VANGL2: variants seen among roughly 807,000 people sequenced by gnomAD.
The protein encoded by VANGL2 is vang-like protein 2.
VANGL2 carries 14 observed loss-of-function variants against 50.2 expected under a neutral mutation model. That is an observed-to-expected ratio of 0.28 (90% CI 0.18 to 0.44). The LOEUF is 0.44. VANGL2 is among the 20% of genes least tolerant of loss of function. The probability of loss-of-function intolerance (pLI) is 1.00; values close to 1 mark genes in which losing one functional copy is unlikely to be tolerated. For missense variants in VANGL2, 533 were observed against 701.5 expected (o/e 0.76, Z 2.71); for synonymous variants, 295 against 297.2 (o/e 0.99, Z 0.08).
At position 160,427,044 on chromosome 1, in the gene VANGL2, G is replaced by A. The variant is rs1428115255; in HGVS notation, c.*1666G>A. On this transcript the variant is annotated 3_prime_UTR_variant, in exon 8 of 8. Coordinates refer to ENST00000368061, the MANE Select transcript of VANGL2 (RefSeq NM_020335.3). Reference sequence around the variant, plus strand: ...TGTTTACCCACCGCATGCTAGAGAGGAGCTCATTGGCCAATGCTTACCTTG... The same window carrying A: ...TGTTTACCCACCGCATGCTAGAGAGAAGCTCATTGGCCAATGCTTACCTTG... 2 of 152,814 alleles carry A rather than the reference G, an allele frequency of 1.3e-5. No homozygotes were observed. The highest frequency in any genetic ancestry group is 2.1e-4 in the South Asian group (1 of 4,830). 9.5% of individuals were successfully genotyped at this position (152,814 alleles called of 1,614,324 possible).
rs1357227311 is a variant in VANGL2 at position 160,425,799 on chromosome 1, G to A, written c.*421G>A. The A allele has an allele frequency of 6.0e-6, 1 of 166,226 alleles. No individual in the cohort carries two copies. The highest frequency in any genetic ancestry group is 2.4e-5 in the African/African-American group (1 of 41,644). 10.3% of individuals were successfully genotyped at this position (166,226 alleles called of 1,614,324 possible). ...CATTTCTCTTCAGTGGCCCAACAGG[G>A]TTTCTCTGGGGCACATGGACATGAC... On this transcript the variant is annotated 3_prime_UTR_variant, in exon 8 of 8. Transcript: ENST00000368061.
intron 1 of VANGL2, among the ~76,000 whole-genome samples, chr1:160,410,035 A>G (rs892512018): frequency 6.6e-6 from 1 of 152,002 alleles, no homozygotes; most frequent in African/African-American, 2.4e-5. Flanking sequence ...GGAGACCTTT[A>G]GTGGGCAGGG....
intron 1 of VANGL2, among the ~76,000 whole-genome samples, chr1:160,405,629 A>G (rs1309469357): frequency 1.8e-5 from 1 of 55,754 alleles, no homozygotes; most frequent in African/African-American, 7.0e-5. Context: ...GGGCAGGGAG[A>G]GGGGAGAGTG....
In VANGL2 at chr1:160,421,056, C is replaced by T; in HGVS notation, c.942C>T (p.Asn314=). The T allele has an allele frequency of 6.2e-7, 1 of 1,614,182 alleles. No homozygotes were observed. The highest frequency in any genetic ancestry group is 8.5e-7 in the Non-Finnish European group (1 of 1,180,046). The change falls in exon 6 of 8, where the codon AAC becomes AAT. Residue 314 remains asparagine (N), a synonymous_variant. Transcript: ENST00000368061. The stretch of plus-strand genomic sequence containing the variant: ...CTCTATCCTGTTCCTGTGCAGAAAA[C>T]AGCACCAACAACTCCACTGGCCAGT... The part of the protein sequence containing the change: ...GFKVYSLGEE[N]STNNSTGQSR...
In VANGL2 at chr1:160,419,233, G is replaced by A. The variant is rs1057118359; in HGVS notation, c.424G>A (p.Gly142Arg). Residue 142 changes from glycine to arginine, a missense_variant, in exon 4 of 8, where the codon GGG becomes AGG. Transcript: ENST00000368061. This position sits in a 1 kb window ranked among gnomAD's most constrained non-coding sequence, Gnocchi z 5.8. ...GTGGCGGGAGGAGCTGGAGCCTTGC[G>A]GGACGGCCTGCGAGGGCCTCTTCAT... Reference protein sequence around the residue: ...LLWREELEPCGTACEGLFISV... With the variant: ...LLWREELEPCRTACEGLFISV... The A allele has an allele frequency of 3.7e-6, 6 of 1,609,602 alleles. No individual in the cohort carries two copies. In the African/African-American group the frequency reaches 4.0e-5, roughly 11 times the overall value.
chr1:160,409,474 G>A (rs1310485632), intron 1 of VANGL2, among the ~76,000 whole-genome samples: 2 of 152,128 alleles, frequency 1.3e-5, no homozygotes, highest in African/African-American at 4.8e-5. Flanking sequence ...AAAGGGGAAG[G>A]GGTGTCAGGG....
At chr1:160,406,017 G>A (rs1401151302) in intron 1 of VANGL2, among the ~76,000 whole-genome samples, 1 of 152,158 alleles carries the variant, frequency 6.6e-6, no homozygotes, top group East Asian at 1.9e-4. Flanking sequence ...AGAAAAGGTG[G>A]GAACTAACAT....
rs1651403814 is a variant in VANGL2, at chr1:160,425,101, C to T, written c.1306-17C>T. The T allele has an allele frequency of 1.2e-6, 2 of 1,613,846 alleles. No individual in the cohort carries two copies. The highest frequency in any genetic ancestry group is 1.7e-6 in the Non-Finnish European group (2 of 1,179,918). On this transcript the variant is annotated splice_polypyrimidine_tract_variant and intron_variant, in intron 7 of 7. Transcript: ENST00000368061. ...AGATGACAGAGATTCTTATGCAGCCCCTTCTTTCCACTTCAGGCCTTCTTG... is the reference window on the plus strand; with the variant it reads ...AGATGACAGAGATTCTTATGCAGCCTCTTCTTTCCACTTCAGGCCTTCTTG...
At chr1:160,401,209 G>A (rs943939662) in intron 1 of VANGL2, among the ~76,000 whole-genome samples, 2 of 152,182 alleles carry the variant, frequency 1.3e-5, no homozygotes, top group Non-Finnish European at 1.5e-5. Flanking sequence ...AGCCGGAGAC[G>A]GGGAGCTTGT....
Position 160,400,741 on chromosome 1 carries a change from A to C in VANGL2, c.-319A>C, listed in dbSNP as rs2101938656. 6.7e-6 allele frequency: 1 copy of C among 149,372 alleles called. No individual in the cohort carries two copies. Among genetic ancestry groups the C allele is most frequent in the Non-Finnish European group, 1.5e-5 (1 of 66,942 alleles). The allele number at this position is 149,372 out of a possible 1,614,324, so 9.3% of individuals were successfully genotyped here. On this transcript the variant is annotated 5_prime_UTR_variant, in exon 1 of 8. Transcript: ENST00000368061. ...GACCAGACTCAAGAACCCCCCCCTC[A>C]ACATCCCCCATCGCGCGCGCTGCCT...
Sources: allele counts gnomAD v4.1 joint callset (sites outside exome capture counted in the v4.1 genomes callset), GRCh38; gene constraint gnomAD v4.1.1; non-coding constraint Gnocchi (gnomAD v3.1); transcripts MANE v1.5; gene names NCBI Gene and HGNC (gene_info 2026-07-23, HGNC 2026-07-21).